The following ARHGEF10 variants were observed in gnomAD, a reference collection of about 807,000 sequenced individuals.
The protein encoded by ARHGEF10 is Rho guanine nucleotide exchange factor 10, also known as Rho guanine nucleotide exchange factor (GEF) 10.
A neutral mutation model predicts 147.4 loss-of-function variants in ARHGEF10; 140 were observed. The ratio of observed to expected loss-of-function variants is 0.95; its 90% CI spans 0.83 to 1.09. ARHGEF10 has a LOEUF of 1.09. Ranked by LOEUF, ARHGEF10 falls within the 50% of genes least tolerant of loss-of-function variation. The probability of loss-of-function intolerance (pLI) is 0.00; values close to 1 mark genes in which losing one functional copy is unlikely to be tolerated. For missense variants in ARHGEF10, 2,222 were observed against 1,752.7 expected, an observed-to-expected ratio of 1.27 and a Z score of -4.78; for synonymous variants, 902 against 695.8, an observed-to-expected ratio of 1.30 and a Z score of -4.67.
intron 18 of ARHGEF10, among the ~76,000 whole-genome samples, chr8:1,918,606 A>G (rs890784187): frequency 1.3e-5 from 2 of 152,204 alleles, no homozygotes; most frequent in Non-Finnish European, 2.9e-5. Context: ...GAATGGCTAA[A>G]TCAAGCTAAG....
chr8:1,831,915 T>C (rs1278620005), intron 1 of ARHGEF10, among the ~76,000 whole-genome samples: 1 of 151,872 alleles, frequency 6.6e-6, no homozygotes, highest in African/African-American at 2.4e-5. Flanking sequence ...CCGGGTGGAG[T>C]TGGATGGGCT....
At chr8:1,913,128 G>T (rs893665689) in intron 18 of ARHGEF10, among the ~76,000 whole-genome samples, 3 of 152,186 alleles carry the variant, frequency 2.0e-5, no homozygotes, top group Admixed American at 2.0e-4. Flanking sequence ...TACTAAGTAG[G>T]AGTTGTGGGG....
intron 23 of ARHGEF10, among the ~76,000 whole-genome samples, chr8:1,928,113 T>G (rs1479518933): frequency 1.3e-5 from 2 of 152,192 alleles, no homozygotes; most frequent in African/African-American, 2.4e-5. Context: ...CTTCTTAGGA[T>G]TTTAAATTGA....
intron 1 of ARHGEF10, among the ~76,000 whole-genome samples, chr8:1,843,084 G>A (rs1038827994): frequency 2.0e-5 from 3 of 152,218 alleles, no homozygotes; most frequent in African/African-American, 4.8e-5. Flanking sequence ...GGGCCTGGCT[G>A]GCGAATCCAA....
At chr8:1,823,585 G>C (rs1051231052), upstream of ARHGEF10, among the ~76,000 whole-genome samples, 3 of 152,184 alleles carry the variant, frequency 2.0e-5, no homozygotes, top group Non-Finnish European at 4.4e-5. Flanking sequence ...GCTCTGAGCC[G>C]GGAGCAGGCT....
intron 1 of ARHGEF10, among the ~76,000 whole-genome samples, chr8:1,840,095 C>T (rs370987879): frequency 2.8e-4 from 21 of 74,288 alleles, no homozygotes; most frequent in African/African-American, 5.8e-4. Context: ...GGGGACTGTC[C>T]GGTGTGGAAT....
In ARHGEF10 at chr8:1,857,924, A is replaced by G. The variant is rs761646911; in HGVS notation, c.38-36A>G. 10 of 1,461,930 alleles carry G rather than the reference A, an allele frequency of 6.8e-6. No homozygotes were observed. The South Asian group carries it at 8.0e-5, about 12-fold the overall frequency. The allele number at this position is 1,461,930 out of a possible 1,614,324, so 90.6% of individuals were successfully genotyped here. A position where few individuals can be genotyped will look rare whatever the true frequency, so the allele number is the denominator to read the frequency against. ...TATCTATCTATCTATCTATCTATCT[A>G]TCTCTCCTTGATGTGGTTTTGGTTT... On this transcript the variant is annotated intron_variant, in intron 2 of 28. Transcript: ENST00000349830.
intron 11 of ARHGEF10, among the ~76,000 whole-genome samples, chr8:1,890,038 CTGAG>C (rs1809330345): frequency 6.9e-6 from 1 of 144,458 alleles, no homozygotes; most frequent in African/African-American, 2.6e-5. Flanking sequence ...TATTGAGACA[CTGAG>C]TGGGGTAAGG....
chr8:1,844,435 C>A (rs7007807), intron 2 of ARHGEF10, among the ~76,000 whole-genome samples: 1 of 46,190 alleles, frequency 2.2e-5, no homozygotes, highest in Non-Finnish European at 5.6e-5. Flanking sequence ...CCGGGGCCTG[C>A]TGGACGACAG....
intron 1 of ARHGEF10, among the ~76,000 whole-genome samples, chr8:1,839,911 G>C (rs1284562928): frequency 1.5e-5 from 2 of 132,266 alleles, no homozygotes; most frequent in African/African-American, 5.7e-5. Flanking sequence ...TCCGGTGTGG[G>C]GACTGTCCGG....
Position 1,918,070 on chromosome 8 carries a change from G to C in ARHGEF10, c.2144-4894G>C, listed in dbSNP as rs1811893675. On this transcript the variant is annotated intron_variant, in intron 18 of 28. Transcript: ENST00000349830. ...CCCAAAGTGCTGGGATTATAGGCGT[G>C]AGCCACCGCGCCTGAACTGCAGGGG... 2.0e-5 allele frequency among the ~76,000 whole-genome samples: 3 copies of C among 152,126 alleles called. No individual in the cohort carries two copies. In the South Asian group the frequency reaches 6.2e-4, roughly 31 times the overall value.
intron 11 of ARHGEF10, among the ~76,000 whole-genome samples, chr8:1,888,287 G>GACAGT (rs1808951602): frequency 5.9e-5 from 4 of 67,572 alleles, no homozygotes; most frequent in African/African-American, 1.7e-4. Context: ...GTTCTGAGGA[G>GACAGT]GGGTGGGGTG....
intron 11 of ARHGEF10, among the ~76,000 whole-genome samples, chr8:1,891,506 C>T (rs901521384): frequency 7.2e-5 from 11 of 152,158 alleles, no homozygotes; most frequent in Non-Finnish European, 1.5e-4. Context: ...CCTGTCCCGT[C>T]CCCATTCCCG....
At chr8:1,854,480 C>T (rs1805398303) in intron 2 of ARHGEF10, among the ~76,000 whole-genome samples, 1 of 152,208 alleles carries the variant, frequency 6.6e-6, no homozygotes, top group African/African-American at 2.4e-5. Context: ...ACACATCATT[C>T]TGCAGAGTCT....
chr8:1,829,417 G>A (rs1486382625), intron 1 of ARHGEF10, among the ~76,000 whole-genome samples: 1 of 152,246 alleles, frequency 6.6e-6, no homozygotes, highest in African/African-American at 2.4e-5. Flanking sequence ...CTTGAAGTCC[G>A]CTGAGGGCTG....
chr8:1,876,888 A>G (rs1323962085), intron 8 of ARHGEF10, among the ~76,000 whole-genome samples, 154 bp downstream of exon 8: 1 of 152,252 alleles, frequency 6.6e-6, no homozygotes. Flanking sequence ...GCAAAGGAGA[A>G]GACGTGTCTT....
chr8:1,945,210 AC>A (rs1181878160), intron 26 of ARHGEF10, among the ~76,000 whole-genome samples: 1 of 152,070 alleles, frequency 6.6e-6, no homozygotes. Flanking sequence ...CTCCTTTAGG[AC>A]ACAAGCTCAG....
chr8:1,899,315 G>A (rs1563255006), intron 15 of ARHGEF10, among the ~76,000 whole-genome samples: 2 of 152,230 alleles, frequency 1.3e-5, no homozygotes, highest in South Asian at 2.1e-4. Flanking sequence ...TCAAAGGAGA[G>A]TCTATGCTGG....
chr8:1,827,898 C>T (rs1387708308), intron 1 of ARHGEF10, among the ~76,000 whole-genome samples: 2 of 152,054 alleles, frequency 1.3e-5, no homozygotes, highest in East Asian at 3.9e-4. Flanking sequence ...TGTGAGGGAG[C>T]GATGGGGAAG....
Sources: gnomAD v4.1 joint callset for allele counts (sites outside exome capture counted in the v4.1 genomes callset) on GRCh38, gnomAD v4.1.1 for gene constraint, MANE v1.5 for transcripts, NCBI Gene and HGNC (gene_info 2026-07-23, HGNC 2026-07-21) for gene names.